Variants in GRIP1 observed in about 807,000 individuals in gnomAD.
GRIP1 encodes the protein glutamate receptor-interacting protein 1.
Under a neutral mutation model 129.9 loss-of-function variants are expected in GRIP1, and 45 were observed. The ratio of observed to expected loss-of-function variants is 0.35; its 90% CI spans 0.27 to 0.44. GRIP1 has a LOEUF of 0.44. GRIP1 is among the 20% of genes least tolerant of loss of function. GRIP1 has a pLI of 1.00. For synonymous variants in GRIP1, 530 were observed against 520.8 expected (o/e 1.02, Z -0.24); for missense variants, 1,196 against 1,396.8 (o/e 0.86, Z 2.29).
chr12:66,542,342 T>C (rs950839245), intron 2 of GRIP1, among the ~76,000 whole-genome samples: 1 of 152,182 alleles, frequency 6.6e-6, no homozygotes, highest in Non-Finnish European at 1.5e-5. Context: ...AATACGAACA[T>C]ATATAGCACA....
At chr12:66,751,063 T>A (rs937466462) in intron 1 of GRIP1, among the ~76,000 whole-genome samples, 20 of 152,108 alleles carry the variant, frequency 1.3e-4, no homozygotes, top group South Asian at 2.1e-4. Flanking sequence ...TTTAAAAAAA[T>A]TTTTTTAAGT....
At chr12:66,705,339 A>G (rs1301025186) in intron 1 of GRIP1, among the ~76,000 whole-genome samples, 1 of 152,116 alleles carries the variant, frequency 6.6e-6, no homozygotes, top group Non-Finnish European at 1.5e-5. Context: ...CTAGGAATAC[A>G]TCTAACAAGG....
chr12:66,626,941 T>C (rs1350567513), intron 1 of GRIP1: 2 of 152,204 alleles, frequency 1.3e-5, no homozygotes, highest in Non-Finnish European at 2.9e-5. Flanking sequence ...TTCATTTCCA[T>C]GGACATTAAG....
intron 1 of GRIP1, among the ~76,000 whole-genome samples, chr12:66,863,878 G>A (rs865837103): frequency 6.6e-6 from 1 of 152,096 alleles, no homozygotes; most frequent in South Asian, 2.1e-4. Flanking sequence ...GTTCTCAGAG[G>A]AGCAGAGATC....
intron 1 of GRIP1, among the ~76,000 whole-genome samples, chr12:66,959,281 T>A (rs2041888452): frequency 6.6e-6 from 1 of 152,138 alleles, no homozygotes; most frequent in Admixed American, 6.6e-5. Flanking sequence ...TTTAAACTAA[T>A]TTATAGTTTT....
At chr12:66,980,492 T>C (rs1361871423) in intron 1 of GRIP1, among the ~76,000 whole-genome samples, 1 of 152,114 alleles carries the variant, frequency 6.6e-6, no homozygotes, top group African/African-American at 2.4e-5. Flanking sequence ...ACGTCTGTAG[T>C]CCCAGCTACT....
chr12:66,409,464 T>C (rs990547261), intron 15 of GRIP1, among the ~76,000 whole-genome samples: 6 of 152,250 alleles, frequency 3.9e-5, no homozygotes, highest in African/African-American at 1.4e-4. Context: ...ATAGTGTTAC[T>C]GGACTTGGGG....
At chr12:66,381,599 C>T (rs1167778855) in intron 19 of GRIP1, among the ~76,000 whole-genome samples, 1 of 152,182 alleles carries the variant, frequency 6.6e-6, no homozygotes, top group East Asian at 1.9e-4. Flanking sequence ...ACATTAACCC[C>T]GATGACCACT....
chr12:66,593,872 T>A (rs1190318830), intron 2 of GRIP1, among the ~76,000 whole-genome samples: 1 of 151,804 alleles, frequency 6.6e-6, no homozygotes, highest in African/African-American at 2.4e-5. Context: ...ATGGAGACCA[T>A]CCTGGTCAAC....
intron 9 of GRIP1, among the ~76,000 whole-genome samples, chr12:66,461,299 A>G (rs2059128957): frequency 1.3e-5 from 2 of 152,374 alleles, no homozygotes; most frequent in African/African-American, 4.8e-5. Context: ...CGATTCGCTG[A>G]TACCAGAATT....
At chr12:66,374,341 C>T (rs1402036949) in intron 22 of GRIP1, among the ~76,000 whole-genome samples, 2 of 152,072 alleles carry the variant, frequency 1.3e-5, no homozygotes, top group South Asian at 2.1e-4. Flanking sequence ...GTACCCGTCA[C>T]CACGCCTGGC....
At chr12:67,062,322 G>C (rs1282646942) in intron 1 of GRIP1, among the ~76,000 whole-genome samples, 1 of 152,098 alleles carries the variant, frequency 6.6e-6, no homozygotes, top group East Asian at 1.9e-4. Context: ...ATGCTCATAA[G>C]TATGTTCATA....
chr12:66,956,810 T>G (rs189152894), intron 1 of GRIP1, among the ~76,000 whole-genome samples: 7 of 152,288 alleles, frequency 4.6e-5, no homozygotes, highest in Non-Finnish European at 1.0e-4. Context: ...CAAGGCCCCC[T>G]CGGCATACAG....
chr12:66,738,034 C>A (rs578026923), intron 1 of GRIP1, among the ~76,000 whole-genome samples: 1 of 152,146 alleles, frequency 6.6e-6, no homozygotes, highest in East Asian at 1.9e-4. Flanking sequence ...GAGGGGAATT[C>A]ACTTCTGGTG....
chr12:66,384,442 C>T (rs974416279), intron 19 of GRIP1, among the ~76,000 whole-genome samples: 2 of 152,038 alleles, frequency 1.3e-5, no homozygotes, highest in Non-Finnish European at 2.9e-5. Flanking sequence ...TGAGATATTC[C>T]GGGTATGTGT....
intron 24 of GRIP1, among the ~76,000 whole-genome samples, chr12:66,350,724 A>T (rs765892408): frequency 7.2e-5 from 11 of 152,130 alleles, no homozygotes; most frequent in Non-Finnish European, 1.6e-4. Context: ...TTAAAGACTC[A>T]TTAGTTCTGA....
intron 1 of GRIP1, among the ~76,000 whole-genome samples, chr12:66,762,956 A>G (rs1282227307): frequency 6.6e-6 from 1 of 152,168 alleles, no homozygotes; most frequent in African/African-American, 2.4e-5. Flanking sequence ...GGGGCTATTG[A>G]GCTGAAGTAC....
chr12:66,877,486 A>G (rs916431657), intron 1 of GRIP1, among the ~76,000 whole-genome samples: 4 of 152,056 alleles, frequency 2.6e-5, no homozygotes, highest in Non-Finnish European at 5.9e-5. Context: ...CATCTCATAC[A>G]ATTTTAAGAT....
chr12:67,049,232 T>C (rs577402726), intron 1 of GRIP1, among the ~76,000 whole-genome samples: 1 of 152,338 alleles, frequency 6.6e-6, no homozygotes, highest in African/African-American at 2.4e-5. Flanking sequence ...TCAAATATCC[T>C]TCATGACATT....
Sources: allele counts gnomAD v4.1 joint callset (sites outside exome capture counted in the v4.1 genomes callset), GRCh38; gene constraint gnomAD v4.1.1; transcripts MANE v1.5; gene names NCBI Gene and HGNC (gene_info 2026-07-23, HGNC 2026-07-21).